The following SYMPK variants were observed in gnomAD, a reference collection of about 807,000 sequenced individuals.
SYMPK encodes the protein symplekin.
SYMPK carries 49 observed loss-of-function variants against 136.4 expected under a neutral mutation model. The observed-to-expected ratio is 0.36, with a 90% CI of 0.29 to 0.46. The LOEUF (loss-of-function observed/expected upper bound fraction) is 0.46. Ranked by LOEUF, SYMPK falls within the 20% of genes least tolerant of loss-of-function variation. The pLI, the probability that SYMPK is intolerant of heterozygous loss-of-function variation, is 1.00. For missense variants in SYMPK, 1,365 were observed against 1,690.0 expected (o/e 0.81, Z 3.37); for synonymous variants, 766 against 713.0 (o/e 1.07, Z -1.19).
intron 5 of SYMPK, among the ~76,000 whole-genome samples, chr19:45,851,345 G>A (rs879625593): frequency 2.6e-5 from 4 of 152,196 alleles, no homozygotes; most frequent in Non-Finnish European, 4.4e-5. Flanking sequence ...GGAGGCCAAG[G>A]TGGGCCAATC....
At chr19:45,817,457 T>C (rs1970780473) in intron 23 of SYMPK, among the ~76,000 whole-genome samples, 1 of 137,778 alleles carries the variant, frequency 7.3e-6, no homozygotes, top group Admixed American at 7.6e-5. Context: ...AGAGATGGTC[T>C]TACTCTGCCG....
chr19:45,832,513 C>T (rs979137679), intron 11 of SYMPK, among the ~76,000 whole-genome samples: 1 of 152,146 alleles, frequency 6.6e-6, no homozygotes, highest in South Asian at 2.1e-4. Context: ...ATGCTCAAGA[C>T]AGATGACAGC....
chr19:45,826,193 C>T (rs1276431022), intron 17 of SYMPK, 33 bp downstream of exon 17: 14 of 1,593,322 alleles, frequency 8.8e-6, no homozygotes, highest in African/African-American at 6.7e-5. Flanking sequence ...GACACAGCAG[C>T]GCTCAGTATG....
rs756470260 is a variant in SYMPK, at chr19:45,815,990, G to A, written c.3548C>T (p.Pro1183Leu). 1.9e-6 allele frequency: 3 copies of A among 1,606,904 alleles called. No individual in the cohort carries two copies. The highest frequency in any genetic ancestry group is 1.1e-5 in the South Asian group (1 of 89,896). Residue 1183 changes from proline to leucine, a missense_variant, in exon 26 of 27, where the codon CCC (proline) becomes CTC (leucine). Pro to Leu is a moderately conservative substitution (Grantham distance 98). Around this residue, in one of 11 missense-constraint regions of SYMPK, gnomAD observed 341 missense variants for 270.5 expected, o/e 1.26. Transcript: ENST00000245934. Reference protein sequence around the residue: ...SPSPSARPGPPPSEEAMDFRE... With the variant: ...SPSPSARPGPLPSEEAMDFRE... ...GAAATCCATGGCTTCCTCAGACGGG[G>A]GCGGGCCTGGCCGGGCCGACGGAGA...
chr19:45,838,655 G>C (rs374491943), intron 9 of SYMPK, 40 bp from the exon 10 acceptor site: 10 of 1,589,558 alleles, frequency 6.3e-6, no homozygotes, highest in African/African-American at 4.0e-5. Context: ...GCTATAGAGA[G>C]AGCTGCAGGC....
At chr19:45,852,802 G>A (rs1350678889) in intron 3 of SYMPK, among the ~76,000 whole-genome samples, 2 of 152,120 alleles carry the variant, frequency 1.3e-5, no homozygotes, top group East Asian at 3.9e-4. Context: ...CAAGGCACAG[G>A]TCCTGGTAGA....
chr19:45,824,288 A>G, intron 18 of SYMPK: 1 of 202,272 alleles, frequency 4.9e-6, no homozygotes, highest in Non-Finnish European at 1.0e-5. Context: ...CTGCTTCCTG[A>G]GCCTGCTCTG....
chr19:45,823,308 G>A (rs1600494906), intron 20 of SYMPK, 64 bp downstream of exon 20: 2 of 1,515,634 alleles, frequency 1.3e-6, no homozygotes, highest in East Asian at 4.5e-5. Context: ...GCAACGTGCT[G>A]CCCTGCCCCT....
At chr19:45,817,791 T>C (rs958820874) in intron 23 of SYMPK, among the ~76,000 whole-genome samples, 168 bp downstream of exon 23, 7 of 152,178 alleles carry the variant, frequency 4.6e-5, no homozygotes, top group African/African-American at 9.7e-5. Context: ...ACCTGGGAGC[T>C]GGCCCAGTCA....
At chr19:45,843,278 A>C (rs1412285238) in intron 8 of SYMPK, among the ~76,000 whole-genome samples, 2 of 152,172 alleles carry the variant, frequency 1.3e-5, no homozygotes, top group African/African-American at 4.8e-5. Flanking sequence ...AGTGAAACTA[A>C]AATGGAGAAA....
At chr19:45,848,378 T>TA (rs1820937418) in intron 6 of SYMPK, among the ~76,000 whole-genome samples, 1 of 152,262 alleles carries the variant, frequency 6.6e-6, no homozygotes, top group African/African-American at 2.4e-5. Flanking sequence ...TCACACTCCA[T>TA]AATCAATATT....
intron 1 of SYMPK, among the ~76,000 whole-genome samples, chr19:45,856,082 G>A (rs1385845271): frequency 4.0e-5 from 6 of 151,368 alleles, no homozygotes; most frequent in Non-Finnish European, 7.4e-5. Context: ...AGCCGGGCGC[G>A]GTGGCTCACG....
intron 16 of SYMPK, among the ~76,000 whole-genome samples, chr19:45,827,040 C>G (rs533725726): frequency 1.3e-5 from 2 of 152,316 alleles, no homozygotes; most frequent in East Asian, 3.9e-4. Context: ...GCCCACCCCA[C>G]AACCAGATGG....
At chr19:45,840,362 A>T (rs144846474) in intron 9 of SYMPK, among the ~76,000 whole-genome samples, 19 of 150,506 alleles carry the variant, frequency 1.3e-4, no homozygotes, top group African/African-American at 4.6e-4. Flanking sequence ...GTAAAATATA[A>T]CTTTAAATAT....
At chr19:45,836,227 G>A (rs1221304571) in intron 10 of SYMPK, among the ~76,000 whole-genome samples, 1 of 151,490 alleles carries the variant, frequency 6.6e-6, no homozygotes, top group Non-Finnish European at 1.5e-5. Context: ...GATTACAGGT[G>A]CCTGCCACCG....
chr19:45,817,162 C>G, intron 23 of SYMPK, 188 bp from the exon 24 acceptor site: 1 of 573,448 alleles, frequency 1.7e-6, no homozygotes, highest in Non-Finnish European at 2.9e-6. Context: ...GGCTGGACCA[C>G]GAGGGCAACT....
At chr19:45,846,858 G>GTGA (rs1971574200) in intron 7 of SYMPK, among the ~76,000 whole-genome samples, 10 of 150,826 alleles carry the variant, frequency 6.6e-5, no homozygotes, top group Non-Finnish European at 1.0e-4. Flanking sequence ...CAGTGGCACA[G>GTGA]TCTCAGCTCA....
chr19:45,818,693 C>G (rs1329606882), intron 22 of SYMPK, among the ~76,000 whole-genome samples: 1 of 152,166 alleles, frequency 6.6e-6, no homozygotes, highest in Admixed American at 6.5e-5. Flanking sequence ...AAGGGAGGGA[C>G]AAGAGAAGGC....
chr19:45,838,058 G>T (rs1452636252), intron 10 of SYMPK, among the ~76,000 whole-genome samples: 2 of 152,070 alleles, frequency 1.3e-5, no homozygotes, highest in African/African-American at 4.8e-5. Flanking sequence ...GGGAGGTGGG[G>T]CCTGGTCGGG....
Sources: allele counts gnomAD v4.1 joint callset (sites outside exome capture counted in the v4.1 genomes callset), GRCh38; gene constraint gnomAD v4.1.1; regional missense constraint gnomAD v4.1.1; transcripts MANE v1.5; gene names NCBI Gene and HGNC (gene_info 2026-07-23, HGNC 2026-07-21).